Variants in GPR143 observed in about 807,000 individuals in gnomAD.
GPR143 encodes the protein G-protein coupled receptor 143.
GPR143 carries 8 observed loss-of-function variants against 27.6 expected under a neutral mutation model. The ratio of observed to expected loss-of-function variants is 0.29; its 90% CI spans 0.17 to 0.52. The LOEUF (loss-of-function observed/expected upper bound fraction) is 0.52. Ranked by LOEUF, GPR143 falls within the 20% of genes least tolerant of loss-of-function variation. The probability of loss-of-function intolerance (pLI) is 0.96; values close to 1 mark genes in which losing one functional copy is unlikely to be tolerated. For synonymous variants in GPR143, 156 were observed against 153.2 expected, an observed-to-expected ratio of 1.02 and a Z score of -0.13; for missense variants, 303 against 343.1, an observed-to-expected ratio of 0.88 and a Z score of 0.92.
chrX:9,751,538 C>T (rs1274216334), intron 3 of GPR143, among the ~76,000 whole-genome samples: 1 of 112,496 alleles, frequency 8.9e-6, no homozygotes, highest in Non-Finnish European at 1.9e-5. Context: ...CTAATGCATG[C>T]TACTCCATGG....
At chrX:9,770,323 A>AAGAGAGAGAGAGAG (rs201287124), upstream of GPR143, among the ~76,000 whole-genome samples, 45 of 89,011 alleles carry the variant, frequency 5.1e-4, no homozygotes, top group African/African-American at 1.1e-3. Flanking sequence ...AAGAAAGAAA[A>AAGAGAGAGAGAGAG]AGAGAGAGAG....
At position 9,739,467 on chromosome X, in the gene GPR143, T is replaced by C. The variant is rs1299157342; in HGVS notation, c.1120+18A>G. 1 of 1,125,425 alleles carries C rather than the reference T, an allele frequency of 8.9e-7. No individual in the cohort carries two copies. Among genetic ancestry groups the C allele is most frequent in the Admixed American group, 2.2e-5 (1 of 45,244 alleles). 92.7% of individuals were successfully genotyped at this position (1,125,425 alleles called of 1,213,427 possible). On this transcript the variant is annotated intron_variant, in intron 8 of 8. Coordinates refer to ENST00000467482, the MANE Select transcript of GPR143 (RefSeq NM_000273.3). ...CTGGGACCCCGAAGTCTACCTGCTG[T>C]GGCAGACAGGGCATTACCTTCAGAC... is the stretch of plus-strand genomic sequence containing the variant.
In GPR143 at chrX:9,759,489, C is replaced by T. The variant is rs926231983; in HGVS notation, c.361-63G>A. On this transcript the variant is annotated intron_variant, in intron 2 of 8. Coordinates refer to ENST00000467482, the MANE Select transcript of GPR143 (RefSeq NM_000273.3). ...ACAGGTACAAGAAGCCCAGCCCATC[C>T]TTGAGACGGCAGGGTAGACACTGGC... 2.4e-5 allele frequency: 18 copies of T among 760,075 alleles called. No individual in the cohort carries two copies. In the Admixed American group the frequency reaches 3.4e-4, roughly 14 times the overall value. 62.6% of individuals were successfully genotyped at this position (760,075 alleles called of 1,213,427 possible).
At chrX:9,737,571 G>A (rs2083384384) in intron 8 of GPR143, among the ~76,000 whole-genome samples, 1 of 111,776 alleles carries the variant, frequency 8.9e-6, no homozygotes, top group Non-Finnish European at 1.9e-5. Context: ...GAAGAGAAGG[G>A]AAATGACTCC....
At chrX:9,733,848 G>A (rs750115490) in intron 8 of GPR143, among the ~76,000 whole-genome samples, 2 of 111,091 alleles carry the variant, frequency 1.8e-5, no homozygotes, top group African/African-American at 3.3e-5. Context: ...TTGGGAGGCC[G>A]AGGCGGGCAG....
intron 8 of GPR143, among the ~76,000 whole-genome samples, chrX:9,734,246 G>A (rs961575508): frequency 8.1e-5 from 9 of 110,796 alleles, no homozygotes; most frequent in Non-Finnish European, 1.5e-4. Flanking sequence ...AGAGACAGGG[G>A]ACTGTGGGGA....
chrX:9,760,956 AAGG>A (rs887032846), intron 1 of GPR143, 130 bp from the exon 2 acceptor site: 3 of 435,628 alleles, frequency 6.9e-6, no homozygotes, highest in Non-Finnish European at 1.3e-5. Flanking sequence ...GAAGGAAGGA[AAGG>A]AGGGAGGGAG....
At chrX:9,764,937 TCC>T (rs1275993047) in intron 1 of GPR143, among the ~76,000 whole-genome samples, 1 of 104,279 alleles carries the variant, frequency 9.6e-6, no homozygotes, top group Non-Finnish European at 2.0e-5. Flanking sequence ...GGCAAGAGAA[TCC>T]CTTGAACCCG....
intron 8 of GPR143, among the ~76,000 whole-genome samples, chrX:9,730,925 C>G (rs1275462454): frequency 9.0e-6 from 1 of 111,238 alleles, no homozygotes; most frequent in Non-Finnish European, 1.9e-5. Flanking sequence ...TGGAAACAAG[C>G]CCCAACTGGT....
At chrX:9,733,976 A>G (rs1176969302) in intron 8 of GPR143, among the ~76,000 whole-genome samples, 1 of 107,012 alleles carries the variant, frequency 9.3e-6, no homozygotes, top group Non-Finnish European at 1.9e-5. Flanking sequence ...GCTACTCAGG[A>G]GGCTGAGGCA....
At chrX:9,761,990 G>A (rs1045075283) in intron 1 of GPR143, among the ~76,000 whole-genome samples, 10 of 112,480 alleles carry the variant, frequency 8.9e-5, no homozygotes, top group Admixed American at 1.9e-4. Flanking sequence ...AGGAGGCTGA[G>A]GTGGGAGAAT....
At chrX:9,730,537 C>T (rs1400641641) in intron 8 of GPR143, among the ~76,000 whole-genome samples, 2 of 111,838 alleles carry the variant, frequency 1.8e-5, no homozygotes, top group Non-Finnish European at 3.8e-5. Context: ...TTCACCTGAG[C>T]TGGGTGGGTT....
At position 9,733,852 on chromosome X, in the gene GPR143, C is replaced by T. The variant is rs182474434; in HGVS notation, c.1120+5633G>A. On this transcript the variant is annotated intron_variant, in intron 8 of 8. Transcript: ENST00000467482. ...ATCCCAACACTTTGGGAGGCCGAGG[C>T]GGGCAGATCACAAAGTCAGGAGTTC... Among the ~76,000 whole-genome samples the T allele has an allele frequency of 2.0e-3, 226 of 110,768 alleles. 1 individual carries two copies. Among genetic ancestry groups the T allele is most frequent in the Non-Finnish European group, 3.2e-3 (170 of 52,864 alleles).
intron 4 of GPR143, among the ~76,000 whole-genome samples, 181 bp downstream of exon 4, chrX:9,748,393 C>T (rs894718510): frequency 8.8e-6 from 1 of 113,004 alleles, no homozygotes; most frequent in Non-Finnish European, 1.9e-5. Context: ...CAGGGTCATT[C>T]TCCAAGCTAT....
chrX:9,737,958 C>T (rs1417618311), intron 8 of GPR143, among the ~76,000 whole-genome samples: 5 of 111,969 alleles, frequency 4.5e-5, no homozygotes, highest in African/African-American at 1.6e-4. Flanking sequence ...CGTGTTCCTT[C>T]CGCTACACTC....
chrX:9,738,078 A>G (rs777992448), intron 8 of GPR143, among the ~76,000 whole-genome samples: 2 of 112,045 alleles, frequency 1.8e-5, no homozygotes, highest in East Asian at 5.6e-4. Flanking sequence ...TTGGATCTGT[A>G]TTTGCTTTTT....
Position 9,775,534 on chromosome X carries a change from A to T in GPR143, c.-3+10708T>A, listed in dbSNP as rs767930558. ...GGCTCCTCTGTTTTATCCCTTCTTA[A>T]TGCATGAGGCACCAGCAGAGGGGAA... On this transcript the variant is annotated intron_variant, in intron 1 of 7. Coordinates refer to the GPR143 transcript ENST00000447366. Among the ~76,000 whole-genome samples, 11 of 111,938 alleles carry T rather than the reference A, an allele frequency of 9.8e-5. No homozygotes were observed. The Admixed American group carries it at 1.0e-3, about 11-fold the overall frequency.
chrX:9,726,005 A>AAT, intron 8 of GPR143, 165 bp from the exon 9 acceptor site: 3 of 610,570 alleles, frequency 4.9e-6, no homozygotes, highest in Non-Finnish European at 5.8e-6. Flanking sequence ...AAAAAAAAAA[A>AAT]GGTGGGAGGG....
chrX:9,744,201 G>T (rs1757834822), intron 5 of GPR143, among the ~76,000 whole-genome samples: 2 of 110,191 alleles, frequency 1.8e-5, no homozygotes, highest in Admixed American at 9.8e-5. Context: ...TCCAGGCATG[G>T]TGGTGCACGT....
Sources: gnomAD v4.1 joint callset for allele counts (sites outside exome capture counted in the v4.1 genomes callset) on GRCh38, gnomAD v4.1.1 for gene constraint, MANE v1.5 for transcripts, NCBI Gene and HGNC (gene_info 2026-07-23, HGNC 2026-07-21) for gene names.